AARSD1: variants seen among roughly 807,000 people sequenced by gnomAD.
AARSD1 encodes alanyl-tRNA editing protein Aarsd1.
A neutral mutation model predicts 48.7 loss-of-function variants in AARSD1; 44 were observed. That is an observed-to-expected ratio of 0.90 (90% CI 0.71 to 1.16). The LOEUF (loss-of-function observed/expected upper bound fraction) is 1.16. AARSD1 is among the 50% of genes most tolerant of loss of function. AARSD1 has a pLI of 0.00. For missense variants in AARSD1, 511 were observed against 523.1 expected, an observed-to-expected ratio of 0.98 and a Z score of 0.23; for synonymous variants, 189 against 194.9, an observed-to-expected ratio of 0.97 and a Z score of 0.25.
intron 3 of AARSD1, among the ~76,000 whole-genome samples, chr17:42,959,427 G>GCTGGTCTCGAACTCCTGAC (rs957151199): frequency 1.3e-5 from 2 of 151,612 alleles, no homozygotes; most frequent in African/African-American, 4.8e-5. Context: ...TGTTGGCCAG[G>GCTGGTCTCGAACTCCTGAC]CTGGTCTCGA....
chr17:42,963,386 G>C (rs946478701), intron 2 of AARSD1, among the ~76,000 whole-genome samples: 4 of 151,108 alleles, frequency 2.6e-5, no homozygotes, highest in African/African-American at 9.7e-5. Context: ...CCTGATGACA[G>C]CGAGAGATTC....
chr17:42,961,154 A>C (rs201830418), intron 3 of AARSD1, 38 bp downstream of exon 3: 1 of 1,579,270 alleles, frequency 6.3e-7, no homozygotes, highest in East Asian at 2.3e-5. Context: ...CATACATGGC[A>C]ACTGCTCCGG....
intron 6 of AARSD1, 55 bp from the exon 7 acceptor site, chr17:42,956,027 C>A (rs1177830615): frequency 1.2e-6 from 2 of 1,611,826 alleles, no homozygotes; most frequent in Admixed American, 3.3e-5. Flanking sequence ...GCATAAACCA[C>A]AGCGGATCCT....
At chr17:42,952,873 G>A (rs1597711852) in intron 10 of AARSD1, among the ~76,000 whole-genome samples, 1 of 151,272 alleles carries the variant, frequency 6.6e-6, no homozygotes, top group Non-Finnish European at 1.5e-5. Context: ...GAGTGCAGTG[G>A]CGCAATCTCG....
intron 3 of AARSD1, among the ~76,000 whole-genome samples, chr17:42,959,883 C>T (rs1170097022): frequency 2.0e-5 from 3 of 151,474 alleles, no homozygotes; most frequent in South Asian, 2.1e-4. Context: ...AGGATGGTCT[C>T]GATCTCTTAA....
At chr17:42,959,620 A>T (rs2049604525) in intron 3 of AARSD1, among the ~76,000 whole-genome samples, 1 of 151,092 alleles carries the variant, frequency 6.6e-6, no homozygotes, top group Non-Finnish European at 1.5e-5. Flanking sequence ...AGCCTCCCAG[A>T]GTGCTAGGAC....
chr17:42,963,512 T>C (rs914195468), intron 2 of AARSD1, among the ~76,000 whole-genome samples: 4 of 152,116 alleles, frequency 2.6e-5, no homozygotes, highest in African/African-American at 9.7e-5. Context: ...GTACCTCACT[T>C]GCGCTCATGT....
intron 9 of AARSD1, 22 bp downstream of exon 9, chr17:42,954,854 T>C (rs759905912): frequency 4.3e-6 from 7 of 1,613,246 alleles, no homozygotes; most frequent in Non-Finnish European, 5.9e-6. Flanking sequence ...CCCTTCCTTG[T>C]GTCCAGCTCC....
At chr17:42,956,348 T>C in intron 5 of AARSD1, 28 bp from the exon 6 acceptor site, 1 of 1,614,118 alleles carries the variant, frequency 6.2e-7, no homozygotes, top group Non-Finnish European at 8.5e-7. Context: ...GGAGGGACTG[T>C]CTGAATCTGA....
chr17:42,956,384 C>T lies in AARSD1; in HGVS notation c.546+20G>A, dbSNP rs1200406948. The stretch of plus-strand genomic sequence containing the variant: ...TGAGGAATCATTCCGCAGAAACCAT[C>T]CCTCTGGCTCTACCCTTACCTGCTC... On this transcript the variant is annotated intron_variant, in intron 5 of 11. Transcript: ENST00000427569. 1.2e-6 allele frequency: 2 copies of T among 1,613,928 alleles called. No individual in the cohort carries two copies. The highest frequency in any genetic ancestry group is 1.7e-6 in the Non-Finnish European group (2 of 1,179,962).
chr17:42,961,675 T>C (rs1410178623), intron 2 of AARSD1, among the ~76,000 whole-genome samples: 3 of 152,206 alleles, frequency 2.0e-5, no homozygotes, highest in Admixed American at 2.0e-4. Flanking sequence ...TCTAAAATGA[T>C]CTGATTTTTC....
chr17:42,955,404 G>A (rs896238384), intron 7 of AARSD1, 180 bp from the exon 8 acceptor site: 8 of 657,262 alleles, frequency 1.2e-5, no homozygotes, highest in South Asian at 2.1e-5. Context: ...ACCACTTTTC[G>A]TGGTTCTGAT....
chr17:42,951,767 A>G, intron 11 of AARSD1, 33 bp downstream of exon 11: 1 of 1,604,776 alleles, frequency 6.2e-7, no homozygotes, highest in Non-Finnish European at 8.5e-7. Context: ...TACAGGCTCT[A>G]CTACATGTGC....
chr17:42,955,199 C>G lies in AARSD1; in HGVS notation c.820G>C (p.Ala274Pro). The G allele has an allele frequency of 6.2e-7, 1 of 1,614,028 alleles. No homozygotes were observed. The highest frequency in any genetic ancestry group is 1.1e-5 in the South Asian group (1 of 91,028). ...GTGGAGTTCTGGAGCTTTTTCACTGCTTCCACATGATCCTCTGCTCCACAC... is the reference window on the plus strand; with the variant it reads ...GTGGAGTTCTGGAGCTTTTTCACTGGTTCCACATGATCCTCTGCTCCACAC... ...LKCGAEDHVE[A>P]VKKLQNSTKI... is the part of the protein sequence containing the mutation. Residue 274 changes from alanine (A) to proline (P), a missense_variant, in exon 8 of 12, where the codon GCA becomes CCA. Coordinates refer to ENST00000427569, the MANE Select transcript of AARSD1 (RefSeq NM_001261434.2).
In AARSD1 at chr17:42,957,037, C is replaced by T. The variant is rs552540724; in HGVS notation, c.389+101G>A. On this transcript the variant is annotated intron_variant, in intron 4 of 11. Transcript: ENST00000427569. ...CCATTTGGTGGCAATCACAGCTCAC[C>T]ACAGCCTTAATCTCCCCGGCTCAAG... 12 of 1,442,564 alleles carry T rather than the reference C, an allele frequency of 8.3e-6. No homozygotes were observed. In the African/African-American group the frequency reaches 8.5e-5, roughly 10 times the overall value. 89.4% of individuals were successfully genotyped at this position (1,442,564 alleles called of 1,614,324 possible). A position where few individuals can be genotyped will look rare whatever the true frequency, so the allele number is the denominator to read the frequency against.
rs1244790113 is a variant in AARSD1 at position 42,964,272 on chromosome 17, C to T, written c.40-35G>A. 6 of 1,461,868 alleles carry T rather than the reference C, an allele frequency of 4.1e-6. No homozygotes were observed. In the Admixed American group the frequency reaches 9.0e-5, roughly 22 times the overall value. The allele number at this position is 1,461,868 out of a possible 1,614,324, so 90.6% of individuals were successfully genotyped here. A position where few individuals can be genotyped will look rare whatever the true frequency, so the allele number is the denominator to read the frequency against. On this transcript the variant is annotated intron_variant, in intron 1 of 11. Transcript: ENST00000427569. ...GAGGAATGAGAGAATAAGCCCCGAC[C>T]CCAGCCCTAGCCCTAGCCCTCTCCA...
At chr17:42,953,418 T>C (rs2049505808) in intron 10 of AARSD1, among the ~76,000 whole-genome samples, 1 of 152,118 alleles carries the variant, frequency 6.6e-6, no homozygotes, top group Non-Finnish European at 1.5e-5. Flanking sequence ...CCCACTGATA[T>C]ATTTCTAATA....
intron 10 of AARSD1, among the ~76,000 whole-genome samples, chr17:42,953,374 T>G (rs1214677297): frequency 6.6e-6 from 1 of 152,106 alleles, no homozygotes; most frequent in Non-Finnish European, 1.5e-5. Flanking sequence ...CCTCCCAAAG[T>G]GCTGGGATTA....
rs1290982777 is a variant in AARSD1 at position 42,956,523 on chromosome 17, T to C, written c.427A>G (p.Thr143Ala). ...GRFRSAIELD[T>A]PSMTAEQVAA... ...ACTTGCTCTGCAGTCATAGAGGGGG[T>C]GTCCAGCTCAATCGCACTCCGAAAT... Residue 143 changes from threonine to alanine, a missense_variant, in exon 5 of 12, where the codon ACC becomes GCC. Transcript: ENST00000427569. The C allele has an allele frequency of 2.5e-6, 4 of 1,613,720 alleles. No homozygotes were observed. Among genetic ancestry groups the C allele is most frequent in the Non-Finnish European group, 3.4e-6 (4 of 1,179,962 alleles).
Sources: gnomAD v4.1 joint callset for allele counts (sites outside exome capture counted in the v4.1 genomes callset) on GRCh38, gnomAD v4.1.1 for gene constraint, MANE v1.5 for transcripts, NCBI Gene and HGNC (gene_info 2026-07-23, HGNC 2026-07-21) for gene names.